The following NFXL1 variants were observed in gnomAD, a reference collection of about 807,000 sequenced individuals.
NFXL1 encodes the protein NF-X1-type zinc finger protein NFXL1.
NFXL1 carries 66 observed loss-of-function variants against 123.3 expected under a neutral mutation model. That is an observed-to-expected ratio of 0.54 (90% confidence interval 0.44 to 0.66). The LOEUF (loss-of-function observed/expected upper bound fraction) is 0.66. Among genes scored for constraint, NFXL1 ranks in the 30% least tolerant of loss-of-function variants. The pLI is 0.00. For missense variants in NFXL1, 944 were observed against 1,125.6 expected, an observed-to-expected ratio of 0.84 and a Z score of 2.31; for synonymous variants, 346 against 360.8, an observed-to-expected ratio of 0.96 and a Z score of 0.46.
intron 11 of NFXL1, among the ~76,000 whole-genome samples, chr4:47,891,362 T>C (rs1736760812): frequency 6.6e-6 from 1 of 152,152 alleles, no homozygotes; most frequent in Admixed American, 6.5e-5. Flanking sequence ...TCTGCCTGCC[T>C]TGGCCTCCCA....
chr4:47,853,985 C>A (rs563624776), intron 20 of NFXL1, among the ~76,000 whole-genome samples: 1 of 152,138 alleles, frequency 6.6e-6, no homozygotes, highest in African/African-American at 2.4e-5. Context: ...TGGCATATGG[C>A]ACTTGGACAA....
chr4:47,904,122 A>G (rs80325403), intron 4 of NFXL1, among the ~76,000 whole-genome samples: 2 of 152,344 alleles, frequency 1.3e-5, no homozygotes, highest in African/African-American at 4.8e-5. Flanking sequence ...AGGGGACTAG[A>G]CAGGGAAAAA....
At position 47,853,393 on chromosome 4, in the gene NFXL1, C is replaced by T. The variant is rs143816363; in HGVS notation, c.2422-1451G>A. Among the ~76,000 whole-genome samples the T allele has an allele frequency of 2.4e-4, 37 of 152,138 alleles. No individual in the cohort carries two copies. The East Asian group carries it at 6.6e-3, about 27-fold the overall frequency. The stretch of plus-strand genomic sequence containing the variant: ...GTTTTAAATGCTATGTAAGCACTAC[C>T]TCTTTTATTCCTTTCAATAAATCTC... On this transcript the variant is annotated intron_variant, in intron 20 of 22. Coordinates refer to ENST00000507489, the MANE Select transcript of NFXL1 (RefSeq NM_001278624.2).
At chr4:47,863,564 C>T (rs116542371) in intron 18 of NFXL1, among the ~76,000 whole-genome samples, 1 of 152,186 alleles carries the variant, frequency 6.6e-6, no homozygotes, top group Non-Finnish European at 1.5e-5. Flanking sequence ...TGCCTGTAAT[C>T]CTGGCTACTC....
chr4:47,869,125 T>A (rs1328145457), intron 18 of NFXL1, among the ~76,000 whole-genome samples: 4 of 152,178 alleles, frequency 2.6e-5, no homozygotes, highest in Non-Finnish European at 5.9e-5. Flanking sequence ...CTTGAGAGGC[T>A]GAGGCGGGAG....
At chr4:47,855,220 T>C in intron 19 of NFXL1, 57 bp from the exon 20 acceptor site, 3 of 982,274 alleles carry the variant, frequency 3.1e-6, no homozygotes, top group Non-Finnish European at 4.7e-6. Context: ...ATACTCTAGT[T>C]TCCCCCATAC....
At chr4:47,895,218 A>G (rs1414820658) in intron 10 of NFXL1, among the ~76,000 whole-genome samples, 1 of 152,160 alleles carries the variant, frequency 6.6e-6, no homozygotes, top group Non-Finnish European at 1.5e-5. Flanking sequence ...GCATAGGCAG[A>G]CTAGATTTAG....
At chr4:47,907,716 A>C (rs1653617767) in intron 3 of NFXL1, among the ~76,000 whole-genome samples, 2 of 152,256 alleles carry the variant, frequency 1.3e-5, no homozygotes, top group Non-Finnish European at 2.9e-5. Flanking sequence ...TTTAAGATTA[A>C]AACCAGATTA....
At position 47,905,274 on chromosome 4, in the gene NFXL1, C is replaced by A; in HGVS notation, c.479G>T (p.Cys160Phe). ...CTTCACCGAAGCAATACAAATTAGG[C>A]ATGTCATAGCCCCTGCTTGAAAAGC... is the stretch of plus-strand genomic sequence containing the variant. ...NEAFQAGAMT[C>F]LICIASVKRN... Residue 160 changes from cysteine (C) to phenylalanine (F), a missense_variant, in exon 4 of 23, where the codon TGC becomes TTC. Cys to Phe is a radical substitution (Grantham distance 205). This residue lies in a region of NFXL1 where 303 missense variants were observed against 292.1 expected (regional missense o/e 1.04). Transcript: ENST00000507489. The A allele has an allele frequency of 6.3e-7, 1 of 1,591,550 alleles. No individual in the cohort carries two copies. Among genetic ancestry groups the A allele is most frequent in the South Asian group, 1.1e-5 (1 of 89,848 alleles).
At chr4:47,908,844 A>C (rs1737684658) in intron 3 of NFXL1, among the ~76,000 whole-genome samples, 1 of 150,656 alleles carries the variant, frequency 6.6e-6, no homozygotes. Flanking sequence ...AGTCCCAGCT[A>C]CTCGGGAGGC....
chr4:47,908,435 A>G (rs1471441924), intron 3 of NFXL1, among the ~76,000 whole-genome samples: 1 of 143,652 alleles, frequency 7.0e-6, no homozygotes, highest in Non-Finnish European at 1.5e-5. Context: ...AAAAAAAAAA[A>G]GACTAACTCT....
At chr4:47,894,157 G>A in intron 11 of NFXL1, 23 bp downstream of exon 11, 1 of 1,562,130 alleles carries the variant, frequency 6.4e-7, no homozygotes, top group Admixed American at 1.9e-5. Flanking sequence ...TAAATCAGAG[G>A]TTTCCAAGGT....
intron 9 of NFXL1, among the ~76,000 whole-genome samples, chr4:47,897,206 G>C (rs1290987849): frequency 6.6e-6 from 1 of 152,156 alleles, no homozygotes; most frequent in Non-Finnish European, 1.5e-5. Flanking sequence ...CAGCTACTGA[G>C]ACGGCTGAGG....
In NFXL1 at chr4:47,885,494, T is replaced by C; in HGVS notation, c.1824+4A>G. On this transcript the variant is annotated splice_donor_region_variant and intron_variant, in intron 14 of 22. Transcript: ENST00000507489. ...CTATTTCTCTAATAGTATTATTCCC[T>C]TACCCTGCCAGTCTGCTTTATTAAT... The C allele has an allele frequency of 6.2e-7, 1 of 1,608,296 alleles. No homozygotes were observed. The highest frequency in any genetic ancestry group is 8.5e-7 in the Non-Finnish European group (1 of 1,175,564).
chr4:47,905,467 T>C (rs979423147), intron 3 of NFXL1, 121 bp from the exon 4 acceptor site: 4 of 483,878 alleles, frequency 8.3e-6, no homozygotes, highest in African/African-American at 7.9e-5. Context: ...AATATAGCTG[T>C]AAAACAAGAA....
chr4:47,851,089 G>T lies in NFXL1; in HGVS notation c.2562+6C>A. The stretch of plus-strand genomic sequence containing the variant: ...AGACATAAATCTGGGTATTTTGTTT[G>T]GTTACCTGTTGTCTTCGTTTTTCTT... On this transcript the variant is annotated splice_donor_region_variant and intron_variant, in intron 22 of 22. Transcript: ENST00000507489. The T allele has an allele frequency of 6.2e-7, 1 of 1,605,822 alleles. No homozygotes were observed. The highest frequency in any genetic ancestry group is 8.5e-7 in the Non-Finnish European group (1 of 1,172,670).
chr4:47,909,100 CACT>C (rs1462001001), intron 3 of NFXL1, among the ~76,000 whole-genome samples: 1 of 151,990 alleles, frequency 6.6e-6, no homozygotes, highest in Non-Finnish European at 1.5e-5. Flanking sequence ...CTACTGTAAG[CACT>C]ACAGTACTTA....
At chr4:47,885,188 T>C (rs7690562) in intron 14 of NFXL1, among the ~76,000 whole-genome samples, 111,153 of 151,318 alleles carry the variant, frequency 0.73, 41,065 homozygotes, top group South Asian at 0.76. Flanking sequence ...AAAAAGTGAA[T>C]AAATCTTTAA....
Position 47,911,002 on chromosome 4 carries a change from A to C in NFXL1, c.236-8T>G, listed in dbSNP as rs1238463883. 1 of 1,518,710 alleles carries C rather than the reference A, an allele frequency of 6.6e-7. No homozygotes were observed. Among genetic ancestry groups the C allele is most frequent in the Admixed American group, 2.3e-5 (1 of 43,590 alleles). The allele number at this position is 1,518,710 out of a possible 1,614,324, so 94.1% of individuals were successfully genotyped here. A position where few individuals can be genotyped will look rare whatever the true frequency, so the allele number is the denominator to read the frequency against. On this transcript the variant is annotated splice_polypyrimidine_tract_variant and splice_region_variant and intron_variant, in intron 2 of 22. Coordinates refer to ENST00000507489, the MANE Select transcript of NFXL1 (RefSeq NM_001278624.2). ...TTTTCTGAGACATTAGCTCTGTTTA[A>C]AAGAAAAAAGTTTCATTTCTGCAAA... is the stretch of plus-strand genomic sequence containing the variant.
Sources: allele counts gnomAD v4.1 joint callset (sites outside exome capture counted in the v4.1 genomes callset), GRCh38; gene constraint gnomAD v4.1.1; regional missense constraint gnomAD v4.1.1; transcripts MANE v1.5; gene names NCBI Gene and HGNC (gene_info 2026-07-23, HGNC 2026-07-21).